The following IBTK variants were observed in gnomAD, a reference collection of about 807,000 sequenced individuals.
IBTK encodes the protein BTK-binding protein.
A neutral mutation model predicts 154.9 loss-of-function variants in IBTK; 83 were observed. That is an observed-to-expected ratio of 0.54 (90% CI 0.45 to 0.64). The LOEUF (loss-of-function observed/expected upper bound fraction) is 0.64. IBTK is among the 30% of genes least tolerant of loss of function. The probability of loss-of-function intolerance (pLI) is 0.00; values close to 1 mark genes in which losing one functional copy is unlikely to be tolerated. For missense variants in IBTK, 1,332 were observed against 1,584.6 expected (o/e 0.84, Z 2.71); for synonymous variants, 515 against 536.1 (o/e 0.96, Z 0.54).
At chr6:82,220,977 C>CACAT (rs1483456449) in intron 8 of IBTK, among the ~76,000 whole-genome samples, 3 of 151,260 alleles carry the variant, frequency 2.0e-5, no homozygotes, top group African/African-American at 4.9e-5. Flanking sequence ...CACACACACA[C>CACAT]ACATTAAATG....
At chr6:82,216,400 C>G (rs1769876196) in intron 10 of IBTK, 150 bp from the exon 11 acceptor site, 1 of 596,730 alleles carries the variant, frequency 1.7e-6, no homozygotes, top group Non-Finnish European at 2.9e-6. Flanking sequence ...ATCCTCTCTT[C>G]AACACATTTT....
At chr6:82,184,867 C>T (rs1251604509) in intron 25 of IBTK, among the ~76,000 whole-genome samples, 1 of 151,888 alleles carries the variant, frequency 6.6e-6, no homozygotes, top group Non-Finnish European at 1.5e-5. Context: ...TAATGATGTA[C>T]CTTTAAGAAG....
Position 82,173,438 on chromosome 6 carries a change from T to C in IBTK, c.3726A>G (p.Arg1242=). The change falls in exon 27 of 29, where the codon AGA becomes AGG. Residue 1242 remains arginine (R), a splice_region_variant and synonymous_variant. Coordinates refer to ENST00000306270, the MANE Select transcript of IBTK (RefSeq NM_015525.4). ...IENSQAPKIV[R]CSTHGTPGPE... ...GTCCTGGGGTACCATGGGTAGAGCA[T>C]CTGCAAAACAAATGCCAAAATTAAA... 6.2e-7 allele frequency: 1 copy of C among 1,612,760 alleles called. No homozygotes were observed. Among genetic ancestry groups the C allele is most frequent in the Non-Finnish European group, 8.5e-7 (1 of 1,179,032 alleles).
In IBTK at chr6:82,173,431, T is replaced by A. The variant is rs1225375915; in HGVS notation, c.3733A>T (p.Thr1245Ser). The A allele has an allele frequency of 5.6e-6, 9 of 1,613,244 alleles. No homozygotes were observed. The highest frequency in any genetic ancestry group is 6.8e-6 in the Non-Finnish European group (8 of 1,179,382). Reference protein sequence around the residue: ...SQAPKIVRCSTHGTPGPEGNH... With the variant: ...SQAPKIVRCSSHGTPGPEGNH... The stretch of plus-strand genomic sequence containing the variant: ...CCTTCTGGTCCTGGGGTACCATGGG[T>A]AGAGCATCTGCAAAACAAATGCCAA... Residue 1245 changes from threonine to serine, a missense_variant, in exon 27 of 29, where the codon ACC becomes TCC. Thr to Ser is a moderately conservative substitution (Grantham distance 58). Around this residue, in one of 3 missense-constraint regions of IBTK, gnomAD observed 1,134 missense variants for 1,274.7 expected, o/e 0.89. Coordinates refer to ENST00000306270, the MANE Select transcript of IBTK (RefSeq NM_015525.4).
At position 82,237,661 on chromosome 6, in the gene IBTK, G is replaced by GGTAGTA. The variant is rs34696525; in HGVS notation, c.321+2499_321+2504dup. On this transcript the variant is annotated intron_variant, in intron 2 of 28. Transcript: ENST00000306270. ...AGTAGTAGTAGTAGAAGATAGTAGT[G>GGTAGTA]GTAGTAGTAGTAGTAGTAGTAGTAG... is the stretch of plus-strand genomic sequence containing the variant. Among the ~76,000 whole-genome samples, 45 of 143,674 alleles carry GGTAGTA rather than the reference G, an allele frequency of 3.1e-4. No homozygotes were observed. In the South Asian group the frequency reaches 5.6e-3, roughly 18 times the overall value. The allele number at this position is 143,674 out of a possible 152,430, so 94.3% of individuals were successfully genotyped here.
chr6:82,199,251 TTG>T (rs1198525848), intron 21 of IBTK, among the ~76,000 whole-genome samples: 2 of 151,168 alleles, frequency 1.3e-5, no homozygotes, highest in Non-Finnish European at 3.0e-5. Flanking sequence ...GTGTGTGTGT[TTG>T]TGTGTGTGTG....
In IBTK at chr6:82,170,707, A is replaced by C. The variant is rs2127794453; in HGVS notation, c.*718T>G. On this transcript the variant is annotated 3_prime_UTR_variant, in exon 29 of 29. Coordinates refer to ENST00000306270, the MANE Select transcript of IBTK (RefSeq NM_015525.4). ...CATTTTTAAGATCCTCCATCCCACC[A>C]AAAATAACCCACAATGACTCCAAAT... is the stretch of plus-strand genomic sequence containing the variant. 1 of 152,300 alleles carries C rather than the reference A, an allele frequency of 6.6e-6. No individual in the cohort carries two copies. 9.4% of individuals were successfully genotyped at this position (152,300 alleles called of 1,614,324 possible).
At position 82,222,901 on chromosome 6, in the gene IBTK, T is replaced by TA. The variant is rs74272606; in HGVS notation, c.1124+538dup. 8.5e-3 allele frequency among the ~76,000 whole-genome samples: 1,172 copies of TA among 137,292 alleles called. 13 individuals carry two copies. Among genetic ancestry groups the TA allele is most frequent in the African/African-American group, 0.02 (752 of 37,610 alleles). 90.1% of individuals were successfully genotyped at this position (137,292 alleles called of 152,430 possible). On this transcript the variant is annotated intron_variant, in intron 8 of 28. Coordinates refer to ENST00000306270, the MANE Select transcript of IBTK (RefSeq NM_015525.4). ...CTACAGAGCAAGAACCTGTCTCAATTAAAAAAAAAAAAACAAAAACTTTAT... is the reference window on the plus strand; with the variant it reads ...CTACAGAGCAAGAACCTGTCTCAATTAAAAAAAAAAAAAACAAAAACTTTAT...
chr6:82,244,679 T>C, intron 1 of IBTK, among the ~76,000 whole-genome samples: 1 of 152,222 alleles, frequency 6.6e-6, no homozygotes, highest in South Asian at 2.1e-4. Context: ...TCCAGGCCCA[T>C]ATTTCCAATG....
At chr6:82,242,998 T>G (rs1339571423) in intron 1 of IBTK, among the ~76,000 whole-genome samples, 6 of 151,840 alleles carry the variant, frequency 4.0e-5, no homozygotes, top group Admixed American at 6.6e-5. Flanking sequence ...ACCCAGCACT[T>G]TGGGAGGCCA....
rs373439391 is a variant in IBTK, at chr6:82,194,515, G to A, written c.3302C>T (p.Thr1101Ile). The change falls in exon 23 of 29, where the codon ACT (threonine) becomes ATT (isoleucine). Residue 1101 changes from threonine (T) to isoleucine (I), a missense_variant. Transcript: ENST00000306270. ...AGCAACCCAACTGGCAGAGCTGGTA[G>A]TATCAATTCTGTTACTGGGAATAGG... ...PQPIPSNRID[T>I]TSSASWVAGS... The A allele has an allele frequency of 6.2e-7, 1 of 1,601,392 alleles. No homozygotes were observed. Among genetic ancestry groups the A allele is most frequent in the African/African-American group, 1.3e-5 (1 of 74,538 alleles).
intron 16 of IBTK, among the ~76,000 whole-genome samples, chr6:82,209,950 T>C (rs1448633876): frequency 1.3e-5 from 2 of 152,152 alleles, no homozygotes; most frequent in Non-Finnish European, 2.9e-5. Context: ...ACATTTGTCT[T>C]CTCCACTAGA....
At chr6:82,199,599 ATC>A (rs148859951) in intron 21 of IBTK, among the ~76,000 whole-genome samples, 1,807 of 152,266 alleles carry the variant, frequency 0.012, 31 homozygotes, top group African/African-American at 0.039. Context: ...GATAATAGTT[ATC>A]TCTGTCATGT....
chr6:82,185,362 C>T (rs971328429), intron 25 of IBTK, among the ~76,000 whole-genome samples: 3 of 150,738 alleles, frequency 2.0e-5, no homozygotes, highest in African/African-American at 4.9e-5. Context: ...GAGTTCAAGA[C>T]CAGCTGGGGA....
intron 4 of IBTK, among the ~76,000 whole-genome samples, chr6:82,229,998 T>C (rs577759876): frequency 4.6e-4 from 70 of 152,136 alleles, no homozygotes; most frequent in Non-Finnish European, 9.4e-4. Flanking sequence ...GCCCTAAATA[T>C]AGTGGTCATA....
chr6:82,176,860 C>T (rs966400997), intron 26 of IBTK, among the ~76,000 whole-genome samples: 48 of 152,092 alleles, frequency 3.2e-4, no homozygotes, highest in Non-Finnish European at 5.4e-4. Context: ...TTAACTCCCA[C>T]GATTTCCTCT....
Position 82,214,552 on chromosome 6 carries a change from T to C in IBTK, c.1879A>G (p.Met627Val). 1 of 1,614,110 alleles carries C rather than the reference T, an allele frequency of 6.2e-7. No homozygotes were observed. The highest frequency in any genetic ancestry group is 1.1e-5 in the South Asian group (1 of 91,074). The change falls in exon 12 of 29, where the codon ATG becomes GTG. Residue 627 changes from methionine (M) to valine (V), a missense_variant. Coordinates refer to ENST00000306270, the MANE Select transcript of IBTK (RefSeq NM_015525.4). ...ATAAATTGTAAAAGGTATTCAAACA[T>C]GTCAGGATGAACCTTCTCTACCACA... is the stretch of plus-strand genomic sequence containing the variant. Reference protein sequence around the residue: ...LFVVEKVHPDMFEYLLQFIYT... With the variant: ...LFVVEKVHPDVFEYLLQFIYT...
chr6:82,176,521 C>CAAAAAAA (rs749153646), intron 26 of IBTK, among the ~76,000 whole-genome samples: 3 of 61,474 alleles, frequency 4.9e-5, no homozygotes, highest in East Asian at 5.7e-4. Flanking sequence ...GAGTCCGTCT[C>CAAAAAAA]AAAAAAAAAA....
intron 1 of IBTK, among the ~76,000 whole-genome samples, chr6:82,246,441 C>CTCTTTTTTTTT (rs780889890): frequency 0.1 from 11,146 of 110,280 alleles, 1,094 homozygotes; most frequent in African/African-American, 0.11. Context: ...TTACAGGCAT[C>CTCTTTTTTTTT]TTTTTTTTTT....
Sources: allele counts gnomAD v4.1 joint callset (sites outside exome capture counted in the v4.1 genomes callset), GRCh38; gene constraint gnomAD v4.1.1; regional missense constraint gnomAD v4.1.1; transcripts MANE v1.5; gene names NCBI Gene and HGNC (gene_info 2026-07-23, HGNC 2026-07-21).